Variants in NUP210 observed in about 807,000 individuals in gnomAD.
NUP210 encodes the protein nuclear pore membrane glycoprotein 210.
In NUP210, 151 loss-of-function variants were observed where a neutral mutation model predicts 196.0. The observed-to-expected ratio is 0.77, with a 90% CI of 0.67 to 0.88. NUP210 has a LOEUF of 0.88. Ranked by LOEUF, NUP210 falls within the 40% of genes least tolerant of loss-of-function variation. NUP210 has a pLI of 0.00. For missense variants in NUP210, 2,314 were observed against 2,493.7 expected, an observed-to-expected ratio of 0.93 and a Z score of 1.53; for synonymous variants, 1,070 against 1,052.7, an observed-to-expected ratio of 1.02 and a Z score of -0.32.
At chr3:13,381,646 T>C (rs1442170403) in intron 6 of NUP210, among the ~76,000 whole-genome samples, 1 of 152,102 alleles carries the variant, frequency 6.6e-6, no homozygotes, top group Non-Finnish European at 1.5e-5. Context: ...TCGCAGATAT[T>C]AAGGGCACTG....
chr3:13,380,329 C>G (rs886935914), intron 6 of NUP210, among the ~76,000 whole-genome samples: 12 of 152,136 alleles, frequency 7.9e-5, no homozygotes, highest in African/African-American at 2.9e-4. Flanking sequence ...GGGCAGAGAC[C>G]ACAAGCACTT....
In NUP210 at chr3:13,386,362, G is replaced by A. The variant is rs1699274744; in HGVS notation, c.730C>T (p.Leu244Phe). 1.2e-6 allele frequency: 2 copies of A among 1,614,148 alleles called. No individual in the cohort carries two copies. The highest frequency in any genetic ancestry group is 3.3e-5 in the Admixed American group (2 of 60,026). ...EVRLLILENI[L>F]LNPAYDVYLM... is the part of the protein sequence containing the mutation. ...TAGACGTCATAGGCCGGGTTCAGAAGGATGTTTTCCAAAATCAGCAGCCTG... is the reference window on the plus strand; with the variant it reads ...TAGACGTCATAGGCCGGGTTCAGAAAGATGTTTTCCAAAATCAGCAGCCTG... The change falls in exon 6 of 40, where the codon CTT becomes TTT. Residue 244 changes from leucine to phenylalanine, a missense_variant. Physicochemically the swap from Leu to Phe is conservative, Grantham distance 22. Coordinates refer to ENST00000254508, the MANE Select transcript of NUP210 (RefSeq NM_024923.4).
At chr3:13,411,154 C>T (rs1192375314) in intron 1 of NUP210, among the ~76,000 whole-genome samples, 1 of 151,992 alleles carries the variant, frequency 6.6e-6, no homozygotes, top group African/African-American at 2.4e-5. Flanking sequence ...ATCACTTGAG[C>T]CCAGGAGTTT....
chr3:13,382,295 C>T (rs934178019), intron 6 of NUP210, among the ~76,000 whole-genome samples: 2 of 152,188 alleles, frequency 1.3e-5, no homozygotes, highest in Non-Finnish European at 2.9e-5. Flanking sequence ...ATGGAGACCA[C>T]GGCTCCCACT....
chr3:13,317,946 G>C (rs1437333992), intron 39 of NUP210, among the ~76,000 whole-genome samples, 165 bp from the exon 40 acceptor site: 2 of 152,094 alleles, frequency 1.3e-5, no homozygotes, highest in African/African-American at 4.8e-5. Flanking sequence ...CACCTGCTGA[G>C]CTGGCCTCAT....
intron 33 of NUP210, among the ~76,000 whole-genome samples, chr3:13,324,032 G>T (rs1696644229): frequency 6.6e-6 from 1 of 152,160 alleles, no homozygotes; most frequent in East Asian, 1.9e-4. Flanking sequence ...ATTTCTACCA[G>T]TAGGTGAACT....
At chr3:13,388,124 G>A (rs1275237341) in intron 5 of NUP210, among the ~76,000 whole-genome samples, 179 bp downstream of exon 5, 1 of 152,106 alleles carries the variant, frequency 6.6e-6, no homozygotes, top group Non-Finnish European at 1.5e-5. Context: ...TTTGTAAGCT[G>A]AGGCTCAAAC....
rs1053260272 is a variant in NUP210, at chr3:13,360,359, T to C, written c.2065A>G (p.Ser689Gly). 3 of 1,614,106 alleles carry C rather than the reference T, an allele frequency of 1.9e-6. No individual in the cohort carries two copies. The Admixed American group carries it at 5.0e-5, about 27-fold the overall frequency. ...FQNVTAEDTD[S>G]IGLALFAPHS... ...GGGGCAAAGAGAGCCAGGCCGATGC[T>C]GTCAGTGTCCTCAGCGGTGACGTTC... The change falls in exon 15 of 40, where the codon AGC becomes GGC. Residue 689 changes from serine (S) to glycine (G), a missense_variant. Transcript: ENST00000254508.
intron 16 of NUP210, among the ~76,000 whole-genome samples, chr3:13,354,868 C>G (rs1698115522): frequency 6.6e-6 from 1 of 152,242 alleles, no homozygotes; most frequent in Admixed American, 6.5e-5. Context: ...TCCCACCACT[C>G]TGGGGTGATC....
intron 1 of NUP210, among the ~76,000 whole-genome samples, chr3:13,412,995 A>G (rs1217502608): frequency 2.6e-5 from 4 of 151,602 alleles, no homozygotes; most frequent in Admixed American, 2.6e-4. Flanking sequence ...AGCCAGGCAC[A>G]GTAGCTCACG....
chr3:13,407,477 C>T (rs1700038678), intron 1 of NUP210, among the ~76,000 whole-genome samples: 1 of 152,132 alleles, frequency 6.6e-6, no homozygotes, highest in South Asian at 2.1e-4. Context: ...AAGATTCAGG[C>T]CCAAAACAGA....
Position 13,325,856 on chromosome 3 carries a change from C to G in NUP210, c.4583G>C (p.Arg1528Pro), listed in dbSNP as rs141991525. The G allele has an allele frequency of 2.5e-6, 4 of 1,613,858 alleles. No individual in the cohort carries two copies. The Admixed American group carries it at 6.7e-5, about 27-fold the overall frequency. Residue 1528 changes from arginine (R) to proline (P), a missense_variant, in exon 33 of 40, where the codon CGG (arginine) becomes CCG (proline). By Grantham distance (103) the Arg-to-Pro change is moderately radical. Coordinates refer to ENST00000254508, the MANE Select transcript of NUP210 (RefSeq NM_024923.4). ...GTAAACCGTCACGGATCCCACGGCC[C>G]GGGCCACAGCCACACCCGTCTTGGG... is the stretch of plus-strand genomic sequence containing the variant. ...IDPKTGVAVA[R>P]AVGSVTVYYE...
Position 13,340,071 on chromosome 3 carries a change from C to G in NUP210, c.3292-38G>C, listed in dbSNP as rs780653697. 42 of 1,607,026 alleles carry G rather than the reference C, an allele frequency of 2.6e-5. 1 individual carries two copies. The South Asian group carries it at 4.4e-4, about 17-fold the overall frequency. On this transcript the variant is annotated intron_variant, in intron 24 of 39. Transcript: ENST00000254508. This position sits in a 1 kb window ranked among gnomAD's most constrained non-coding sequence, Gnocchi z 4.0. Reference sequence around the variant, plus strand: ...GAAACAGCGGCGTGTCAGTGCCCGTCATGCCAGGCAGCCCGCACCTCCCAC... The same window carrying G: ...GAAACAGCGGCGTGTCAGTGCCCGTGATGCCAGGCAGCCCGCACCTCCCAC...
chr3:13,395,846 G>C (rs1370743104), intron 3 of NUP210, among the ~76,000 whole-genome samples: 1 of 152,204 alleles, frequency 6.6e-6, no homozygotes, highest in Non-Finnish European at 1.5e-5. Context: ...GGAGCTGCCA[G>C]GTACTTCTTT....
chr3:13,379,062 G>T lies in NUP210; in HGVS notation c.977-82C>A. The T allele has an allele frequency of 8.7e-7, 1 of 1,143,698 alleles. No individual in the cohort carries two copies. Among genetic ancestry groups the T allele is most frequent in the Non-Finnish European group, 1.3e-6 (1 of 752,964 alleles). 70.8% of individuals were successfully genotyped at this position (1,143,698 alleles called of 1,614,324 possible). On this transcript the variant is annotated intron_variant, in intron 7 of 39. Coordinates refer to ENST00000254508, the MANE Select transcript of NUP210 (RefSeq NM_024923.4). The surrounding 1 kb of genome is among the most constrained non-coding windows in gnomAD (Gnocchi z 4.2). ...CAGTTTCAGCTTGGCTCAGAATCCTGATCATCAAGACATCACATGGAGAGA... is the reference window on the plus strand; with the variant it reads ...CAGTTTCAGCTTGGCTCAGAATCCTTATCATCAAGACATCACATGGAGAGA...
In NUP210 at chr3:13,379,547, C is replaced by T; in HGVS notation, c.976+16G>A. On this transcript the variant is annotated intron_variant, in intron 7 of 39. Transcript: ENST00000254508. The surrounding 1 kb of genome is among the most constrained non-coding windows in gnomAD (Gnocchi z 4.2). ...TCCGCCATGCCTAAGAACACACAAGCCCAAGAAAAGGATATTCCTGTGGCC... is the reference window on the plus strand; with the variant it reads ...TCCGCCATGCCTAAGAACACACAAGTCCAAGAAAAGGATATTCCTGTGGCC... 1.2e-6 allele frequency: 2 copies of T among 1,614,088 alleles called. No homozygotes were observed. Among genetic ancestry groups the T allele is most frequent in the Non-Finnish European group, 1.7e-6 (2 of 1,180,012 alleles).
At chr3:13,365,908 G>A in intron 14 of NUP210, 38 bp downstream of exon 14, 1 of 1,610,326 alleles carries the variant, frequency 6.2e-7, no homozygotes, top group Admixed American at 1.7e-5. Context: ...GGGAAGGAGT[G>A]GGCAGGGGGG....
chr3:13,399,265 C>CA (rs35136269), intron 2 of NUP210, among the ~76,000 whole-genome samples: 5,533 of 64,496 alleles, frequency 0.086, 461 homozygotes, highest in African/African-American at 0.16. Context: ...GACTCTGTCT[C>CA]AAAAAAAAAA....
At chr3:13,375,946 C>T (rs1243363978) in intron 10 of NUP210, among the ~76,000 whole-genome samples, 2 of 152,192 alleles carry the variant, frequency 1.3e-5, no homozygotes, top group African/African-American at 4.8e-5. Flanking sequence ...GCCCGCCCAG[C>T]CCCCAGAGCT....
Sources: allele counts gnomAD v4.1 joint callset (sites outside exome capture counted in the v4.1 genomes callset), GRCh38; gene constraint gnomAD v4.1.1; non-coding constraint Gnocchi (gnomAD v3.1); transcripts MANE v1.5; gene names NCBI Gene and HGNC (gene_info 2026-07-23, HGNC 2026-07-21).